SPIDR: variants seen among roughly 807,000 people sequenced by gnomAD.
The protein encoded by SPIDR is scaffold protein involved in DNA repair, also known as DNA repair-scaffolding protein.
A neutral mutation model predicts 104.6 loss-of-function variants in SPIDR; 93 were observed. That is an observed-to-expected ratio of 0.89 (90% CI 0.75 to 1.06). The LOEUF (loss-of-function observed/expected upper bound fraction) is 1.06. SPIDR is among the 50% of genes least tolerant of loss of function. SPIDR has a pLI of 0.00. For missense variants in SPIDR, 1,154 were observed against 1,111.2 expected, an observed-to-expected ratio of 1.04 and a Z score of -0.55; for synonymous variants, 431 against 416.9, an observed-to-expected ratio of 1.03 and a Z score of -0.41.
chr8:47,564,963 A>C (rs1404363747), intron 8 of SPIDR, among the ~76,000 whole-genome samples: 2 of 152,046 alleles, frequency 1.3e-5, no homozygotes, highest in Non-Finnish European at 2.9e-5. Flanking sequence ...AAATTCATTG[A>C]CGGCCAGGCA....
chr8:47,339,890 A>T (rs1463978984), intron 5 of SPIDR, among the ~76,000 whole-genome samples: 1 of 151,934 alleles, frequency 6.6e-6, no homozygotes, highest in Non-Finnish European at 1.5e-5. Context: ...TATGTTGGGC[A>T]GGCTGGTCTG....
At chr8:47,577,762 G>T (rs2059283723) in intron 8 of SPIDR, among the ~76,000 whole-genome samples, 1 of 152,148 alleles carries the variant, frequency 6.6e-6, no homozygotes, top group South Asian at 2.1e-4. Context: ...ATGTGGTTGT[G>T]GGTCCAATAG....
At chr8:47,541,622 C>T (rs1323729648) in intron 8 of SPIDR, among the ~76,000 whole-genome samples, 2 of 152,110 alleles carry the variant, frequency 1.3e-5, no homozygotes, top group African/African-American at 4.8e-5. Context: ...ATGGGCTGGG[C>T]ACAGTGACTC....
chr8:47,476,594 A>T (rs1178825653), intron 8 of SPIDR, among the ~76,000 whole-genome samples: 1 of 151,050 alleles, frequency 6.6e-6, no homozygotes, highest in Non-Finnish European at 1.5e-5. Flanking sequence ...CACCTCCGAG[A>T]CTCCCTTCAC....
rs1485506050 is a variant in SPIDR at position 47,712,653 on chromosome 8, A to C, written c.1978-9A>C. On this transcript the variant is annotated splice_polypyrimidine_tract_variant and intron_variant, in intron 14 of 19. Transcript: ENST00000297423. ...AATAATTAATCTTTATTGTGTCTTC[A>C]AATTGTAGCTGAAGAGTCTGCTGCT... 1 of 1,611,288 alleles carries C rather than the reference A, an allele frequency of 6.2e-7. No individual in the cohort carries two copies. Among genetic ancestry groups the C allele is most frequent in the Admixed American group, 1.7e-5 (1 of 59,472 alleles).
intron 8 of SPIDR, among the ~76,000 whole-genome samples, chr8:47,466,511 A>T (rs1386810547): frequency 6.6e-6 from 1 of 152,210 alleles, no homozygotes; most frequent in African/African-American, 2.4e-5. Context: ...TCTCTGGAAC[A>T]TAGCTAAGGC....
intron 7 of SPIDR, among the ~76,000 whole-genome samples, chr8:47,427,913 T>C (rs1753964248): frequency 6.6e-6 from 1 of 151,986 alleles, no homozygotes; most frequent in African/African-American, 2.4e-5. Flanking sequence ...GTCGGCGATT[T>C]CTTTTTTCTT....
chr8:47,546,468 A>G (rs1564290324), intron 8 of SPIDR, among the ~76,000 whole-genome samples: 1 of 152,034 alleles, frequency 6.6e-6, no homozygotes, highest in East Asian at 1.9e-4. Flanking sequence ...TTTTCACTCC[A>G]GATATTGGTA....
At chr8:47,698,875 G>T (rs188459189) in intron 11 of SPIDR, among the ~76,000 whole-genome samples, 111 of 152,358 alleles carry the variant, frequency 7.3e-4, no homozygotes, top group Non-Finnish European at 2.9e-4. Flanking sequence ...GCCAGCCGCA[G>T]ATGTGCCACA....
At chr8:47,375,003 C>T (rs139668013) in intron 5 of SPIDR, among the ~76,000 whole-genome samples, 1,759 of 151,918 alleles carry the variant, frequency 0.012, 37 homozygotes, top group African/African-American at 0.039. Context: ...TGCAGTGAGC[C>T]GAGATCGCAC....
intron 5 of SPIDR, among the ~76,000 whole-genome samples, chr8:47,298,027 C>T (rs1441661842): frequency 7.2e-5 from 11 of 152,306 alleles, no homozygotes; most frequent in South Asian, 4.1e-4. Flanking sequence ...CCTGAGGAAT[C>T]GCCACACTGA....
rs1324972148 is a variant in SPIDR at position 47,350,831 on chromosome 8, GT to G, written c.526-45541del. Among the ~76,000 whole-genome samples the G allele has an allele frequency of 2.6e-5, 4 of 152,100 alleles. No individual in the cohort carries two copies. In the East Asian group the frequency reaches 7.7e-4, roughly 29 times the overall value. ...TAATCCCCCCTTTATCCACAGTTTG[GT>G]TTTCTGAGGCCTTAGTTACTTGTGA... On this transcript the variant is annotated intron_variant, in intron 5 of 19. Coordinates refer to ENST00000297423, the MANE Select transcript of SPIDR (RefSeq NM_001080394.4).
chr8:47,322,429 C>T (rs1304597232), intron 5 of SPIDR, among the ~76,000 whole-genome samples: 2 of 152,154 alleles, frequency 1.3e-5, no homozygotes, highest in African/African-American at 4.8e-5. Flanking sequence ...ATTAAGAAGT[C>T]AGGAAACAAC....
intron 16 of SPIDR, among the ~76,000 whole-genome samples, chr8:47,722,651 T>C (rs2083566441): frequency 6.6e-6 from 1 of 152,254 alleles, no homozygotes; most frequent in Non-Finnish European, 1.5e-5. Flanking sequence ...TGTATAACTA[T>C]AATTAAGCTT....
At chr8:47,630,578 A>G (rs1315697404) in intron 10 of SPIDR, among the ~76,000 whole-genome samples, 1 of 152,194 alleles carries the variant, frequency 6.6e-6, no homozygotes, top group Non-Finnish European at 1.5e-5. Context: ...CACATAACAG[A>G]TGCAGTTCCC....
chr8:47,654,053 G>A (rs1246582119), intron 10 of SPIDR: 3 of 1,289,524 alleles, frequency 2.3e-6, no homozygotes, highest in East Asian at 5.6e-5. Context: ...GACAGATAGG[G>A]GCGTGGTAGC....
chr8:47,428,313 A>G (rs1432013557), intron 7 of SPIDR, among the ~76,000 whole-genome samples: 1 of 152,124 alleles, frequency 6.6e-6, no homozygotes, highest in African/African-American at 2.4e-5. Flanking sequence ...ACAAGATTTC[A>G]CTAATTTCTT....
At chr8:47,353,099 A>G (rs1337727022) in intron 5 of SPIDR, among the ~76,000 whole-genome samples, 1 of 151,906 alleles carries the variant, frequency 6.6e-6, no homozygotes, top group African/African-American at 2.4e-5. Context: ...AATATGATAC[A>G]ATTTTGTTCA....
At chr8:47,542,884 A>G (rs913919430) in intron 8 of SPIDR, among the ~76,000 whole-genome samples, 12 of 152,174 alleles carry the variant, frequency 7.9e-5, no homozygotes, top group African/African-American at 2.7e-4. Flanking sequence ...TTGCTAGTCT[A>G]CTTTATGTTC....
Sources: gnomAD v4.1 joint callset for allele counts (sites outside exome capture counted in the v4.1 genomes callset) on GRCh38, gnomAD v4.1.1 for gene constraint, MANE v1.5 for transcripts, NCBI Gene and HGNC (gene_info 2026-07-23, HGNC 2026-07-21) for gene names.